PLPPR1: variants seen among roughly 807,000 people sequenced by gnomAD.
The protein encoded by PLPPR1 is phospholipid phosphatase related 1.
In PLPPR1, 10 loss-of-function variants were observed where a neutral mutation model predicts 33.1. The observed-to-expected ratio is 0.30, with a 90% confidence interval of 0.19 to 0.51. PLPPR1 has a LOEUF of 0.51. Ranked by LOEUF, PLPPR1 falls within the 20% of genes least tolerant of loss-of-function variation. PLPPR1 has a pLI of 0.97. For missense variants in PLPPR1, 304 were observed against 408.1 expected (o/e 0.74, Z 2.20); for synonymous variants, 151 against 151.0 (o/e 1.00, Z 0.00).
intron 1 of PLPPR1, among the ~76,000 whole-genome samples, chr9:101,087,917 C>T (rs1830697858): frequency 6.6e-6 from 1 of 152,124 alleles, no homozygotes; most frequent in Admixed American, 6.6e-5. Flanking sequence ...AAATTTGACT[C>T]ATTAATAACA....
chr9:101,079,583 C>CTT (rs11361751), intron 1 of PLPPR1, among the ~76,000 whole-genome samples: 1 of 138,732 alleles, frequency 7.2e-6, no homozygotes, highest in Non-Finnish European at 1.6e-5. Context: ...TTTTGATTGC[C>CTT]TTTTTTTTTT....
intron 2 of PLPPR1, among the ~76,000 whole-genome samples, chr9:101,208,213 T>C (rs1588072673): frequency 6.6e-6 from 1 of 152,338 alleles, no homozygotes; most frequent in East Asian, 1.9e-4. Context: ...TTAGGATTTT[T>C]AAGGGGACAG....
intron 2 of PLPPR1, among the ~76,000 whole-genome samples, chr9:101,233,686 T>G (rs928486148): frequency 6.6e-6 from 1 of 151,926 alleles, no homozygotes; most frequent in Non-Finnish European, 1.5e-5. Flanking sequence ...AAGAAGGTCC[T>G]TACCAGATCC....
intron 2 of PLPPR1, among the ~76,000 whole-genome samples, chr9:101,197,276 A>G (rs531062330): frequency 6.6e-6 from 1 of 152,300 alleles, no homozygotes; most frequent in South Asian, 2.1e-4. Context: ...GTATGCTAAT[A>G]TTGACCCACT....
chr9:101,180,125 T>TAC (rs1826079651), intron 1 of PLPPR1, among the ~76,000 whole-genome samples: 1 of 37,524 alleles, frequency 2.7e-5, no homozygotes, highest in South Asian at 6.1e-4. Flanking sequence ...TATATATATA[T>TAC]ATATATATAT....
At position 101,219,062 on chromosome 9, in the gene PLPPR1, T is replaced by C. The variant is rs533445185; in HGVS notation, c.63+33505T>C. 1.1e-4 allele frequency among the ~76,000 whole-genome samples: 16 copies of C among 152,316 alleles called. No homozygotes were observed. In the East Asian group the frequency reaches 3.1e-3, roughly 29 times the overall value. ...GAAAGGATAGTTTTTAAACCGGCCA[T>C]GTCATGAACACGCTCCTCCATCCGG... On this transcript the variant is annotated intron_variant, in intron 2 of 7. Coordinates refer to ENST00000374874, the MANE Select transcript of PLPPR1 (RefSeq NM_207299.2).
intron 2 of PLPPR1, among the ~76,000 whole-genome samples, chr9:101,221,252 T>A (rs1379184441): frequency 1.3e-5 from 2 of 151,836 alleles, no homozygotes; most frequent in Non-Finnish European, 2.9e-5. Flanking sequence ...TCTCCCACTC[T>A]TCCCCCCAAG....
intron 4 of PLPPR1, among the ~76,000 whole-genome samples, chr9:101,302,630 G>A (rs1022382264): frequency 6.6e-6 from 1 of 152,150 alleles, no homozygotes; most frequent in Non-Finnish European, 1.5e-5. Context: ...GAATGTGGTT[G>A]GGGAAACAGT....
intron 6 of PLPPR1, among the ~76,000 whole-genome samples, chr9:101,316,833 A>G (rs1234870886): frequency 2.0e-5 from 3 of 152,146 alleles, no homozygotes; most frequent in Admixed American, 1.3e-4. Context: ...AATACTTGCT[A>G]TGCATTTGGC....
intron 1 of PLPPR1, among the ~76,000 whole-genome samples, chr9:101,076,705 G>C (rs1234411063): frequency 2.6e-5 from 4 of 152,148 alleles, no homozygotes; most frequent in African/African-American, 9.7e-5. Context: ...AATTAGGAGA[G>C]TTATTAATTA....
At chr9:101,138,023 G>A (rs1253308893) in intron 1 of PLPPR1, among the ~76,000 whole-genome samples, 1 of 152,206 alleles carries the variant, frequency 6.6e-6, no homozygotes, top group East Asian at 1.9e-4. Context: ...GCATCGATGA[G>A]GCTGTGTGTG....
chr9:101,113,741 A>T lies in PLPPR1; in HGVS notation c.-45-71709A>T, dbSNP rs546364757. Among the ~76,000 whole-genome samples the T allele has an allele frequency of 3.3e-5, 5 of 152,188 alleles. No homozygotes were observed. The East Asian group carries it at 9.6e-4, about 29-fold the overall frequency. On this transcript the variant is annotated intron_variant, in intron 1 of 7. Coordinates refer to ENST00000374874, the MANE Select transcript of PLPPR1 (RefSeq NM_207299.2). ...ACAACAAAAACAGAAAACCAACCAA[A>T]CTCCTGCATTGTTGATAGACATACC...
chr9:101,194,475 C>A (rs576173980), intron 2 of PLPPR1, among the ~76,000 whole-genome samples: 1 of 152,070 alleles, frequency 6.6e-6, no homozygotes, highest in African/African-American at 2.4e-5. Flanking sequence ...GCTGACCGGG[C>A]GTGGTGGCTC....
Position 101,046,436 on chromosome 9 carries a change from T to C in PLPPR1, c.-46+17334T>C, listed in dbSNP as rs535338023. 4.7e-4 allele frequency among the ~76,000 whole-genome samples: 52 copies of C among 110,084 alleles called. 1 individual carries two copies. The East Asian group carries it at 7.7e-3, about 16-fold the overall frequency. The allele number at this position is 110,084 out of a possible 152,430, so 72.2% of individuals were successfully genotyped here. On this transcript the variant is annotated intron_variant, in intron 1 of 7. Coordinates refer to ENST00000374874, the MANE Select transcript of PLPPR1 (RefSeq NM_207299.2). The stretch of plus-strand genomic sequence containing the variant: ...CAATTTTTCTTTACCTCTTTTATTC[T>C]TTTTTTTTTTTTTTTTTTTTTGAGA...
chr9:101,057,808 G>A (rs995089479), intron 1 of PLPPR1, among the ~76,000 whole-genome samples: 7 of 152,296 alleles, frequency 4.6e-5, no homozygotes, highest in African/African-American at 1.7e-4. Flanking sequence ...ATTGGAAGGA[G>A]TGTTTGGTTG....
intron 3 of PLPPR1, among the ~76,000 whole-genome samples, chr9:101,277,275 C>T (rs1828214380): frequency 6.6e-6 from 1 of 152,190 alleles, no homozygotes; most frequent in Non-Finnish European, 1.5e-5. Context: ...AAAGAACTCT[C>T]TCCTCTTCCT....
At chr9:101,251,671 T>C (rs1827714658) in intron 2 of PLPPR1, among the ~76,000 whole-genome samples, 1 of 152,080 alleles carries the variant, frequency 6.6e-6, no homozygotes, top group Admixed American at 6.6e-5. Flanking sequence ...GGGCCCTTGA[T>C]ACAAGCAGCA....
intron 4 of PLPPR1, among the ~76,000 whole-genome samples, chr9:101,287,882 T>TAACG (rs2118918262): frequency 6.6e-6 from 1 of 152,178 alleles, no homozygotes; most frequent in South Asian, 2.1e-4. Flanking sequence ...TCCCCAGGAG[T>TAACG]AACGCATGCA....
chr9:101,220,021 G>A (rs539823647), intron 2 of PLPPR1, among the ~76,000 whole-genome samples: 1 of 152,324 alleles, frequency 6.6e-6, no homozygotes, highest in South Asian at 2.1e-4. Context: ...ACTGACATCA[G>A]TAGATGTGTT....
Sources: allele counts gnomAD v4.1 joint callset (sites outside exome capture counted in the v4.1 genomes callset), GRCh38; gene constraint gnomAD v4.1.1; transcripts MANE v1.5; gene names NCBI Gene and HGNC (gene_info 2026-07-23, HGNC 2026-07-21).